CADM2: variants seen among roughly 807,000 people sequenced by gnomAD.
The protein encoded by CADM2 is immunoglobulin superfamily member 4D.
A neutral mutation model predicts 49.8 loss-of-function variants in CADM2; 12 were observed. The ratio of observed to expected loss-of-function variants is 0.24; its 90% CI spans 0.15 to 0.39. CADM2 has a LOEUF of 0.39. Ranked by LOEUF, CADM2 falls within the 10% of genes least tolerant of loss-of-function variation. The pLI, the probability that CADM2 is intolerant of heterozygous loss-of-function variation, is 1.00. For synonymous variants in CADM2, 214 were observed against 175.4 expected, an observed-to-expected ratio of 1.22 and a Z score of -1.74; for missense variants, 378 against 492.3, an observed-to-expected ratio of 0.77 and a Z score of 2.20.
chr3:85,493,779 C>A (rs1233526822), intron 1 of CADM2, among the ~76,000 whole-genome samples: 1 of 152,106 alleles, frequency 6.6e-6, no homozygotes, highest in African/African-American at 2.4e-5. Flanking sequence ...ACATTTAGGT[C>A]TCTTGTCAGC....
At position 86,014,700 on chromosome 3, in the gene CADM2, G is replaced by A. The variant is rs563453567; in HGVS notation, c.971-50905G>A. 4.5e-4 allele frequency: 689 copies of A among 1,529,192 alleles called. 2 individuals carry two copies. The African/African-American group carries it at 8.4e-3, about 19-fold the overall frequency. The allele number at this position is 1,529,192 out of a possible 1,614,324, so 94.7% of individuals were successfully genotyped here. A position where few individuals can be genotyped will look rare whatever the true frequency, so the allele number is the denominator to read the frequency against. ...ACAACTCAAATTCAATACACCGGAGGAACACCATGCTGACATGTGTAGAAG... is the reference window on the plus strand; with the variant it reads ...ACAACTCAAATTCAATACACCGGAGAAACACCATGCTGACATGTGTAGAAG... On this transcript the variant is annotated intron_variant, in intron 8 of 9. Transcript: ENST00000383699.
intron 1 of CADM2, among the ~76,000 whole-genome samples, chr3:85,368,275 A>G (rs1163214260): frequency 6.6e-6 from 1 of 152,054 alleles, no homozygotes; most frequent in East Asian, 1.9e-4. Context: ...CTGATGATCT[A>G]ATTTTATCTT....
chr3:85,760,569 A>T (rs906020364), intron 2 of CADM2, among the ~76,000 whole-genome samples: 1 of 152,192 alleles, frequency 6.6e-6, no homozygotes, highest in South Asian at 2.1e-4. Flanking sequence ...ATCATAAAAG[A>T]ACATAAGGCA....
At chr3:85,209,919 A>G (rs957202443) in intron 1 of CADM2, among the ~76,000 whole-genome samples, 1 of 152,240 alleles carries the variant, frequency 6.6e-6, no homozygotes, top group Admixed American at 6.5e-5. Context: ...AAGACAAATG[A>G]ACATGAAATA....
At position 85,148,893 on chromosome 3, in the gene CADM2, G is replaced by A. The variant is rs144860793; in HGVS notation, c.61+189225G>A. On this transcript the variant is annotated intron_variant, in intron 1 of 9. Coordinates refer to ENST00000383699, the MANE Select transcript of CADM2 (RefSeq NM_001167675.2). ...GCTGAGGAGGAGGAGAAAGAGGAGG[G>A]GTTGGTCTTGCTGTCTCAGGGGTGG... 4.8e-3 allele frequency among the ~76,000 whole-genome samples: 727 copies of A among 152,082 alleles called. 7 individuals are homozygous for A. The highest frequency in any genetic ancestry group is 0.017 in the African/African-American group (704 of 41,476).
intron 1 of CADM2, among the ~76,000 whole-genome samples, chr3:84,965,855 G>T (rs1163542664): frequency 6.6e-6 from 1 of 152,102 alleles, no homozygotes; most frequent in Admixed American, 6.6e-5. Context: ...GTGTTGTCAA[G>T]TATAATTTGT....
At chr3:85,814,901 A>G (rs1319661859) in intron 3 of CADM2, among the ~76,000 whole-genome samples, 1 of 151,958 alleles carries the variant, frequency 6.6e-6, no homozygotes, top group African/African-American at 2.4e-5. Context: ...CTACCTATGC[A>G]GGTATATAGA....
chr3:85,304,724 A>G (rs763990642), intron 1 of CADM2, among the ~76,000 whole-genome samples: 1 of 151,834 alleles, frequency 6.6e-6, no homozygotes, highest in Non-Finnish European at 1.5e-5. Flanking sequence ...GTTTAATTTC[A>G]TGGTGACCCC....
At chr3:85,395,175 G>GT (rs1327989919) in intron 1 of CADM2, among the ~76,000 whole-genome samples, 2 of 151,512 alleles carry the variant, frequency 1.3e-5, no homozygotes, top group Non-Finnish European at 2.9e-5. Context: ...GTGCATACCT[G>GT]TGGGCCCAGC....
intron 8 of CADM2, among the ~76,000 whole-genome samples, chr3:86,042,450 C>T (rs150536754): frequency 2.0e-5 from 3 of 152,266 alleles, no homozygotes; most frequent in South Asian, 2.1e-4. Context: ...ACTATAAAAG[C>T]CTCCATGCAT....
At chr3:86,013,836 T>C in intron 8 of CADM2, 1 of 1,590,978 alleles carries the variant, frequency 6.3e-7, no homozygotes, top group South Asian at 1.1e-5. Context: ...TTACATTGTG[T>C]CTAGTGGATT....
At chr3:85,724,275 G>A (rs2067609351) in intron 1 of CADM2, among the ~76,000 whole-genome samples, 1 of 151,652 alleles carries the variant, frequency 6.6e-6, no homozygotes, top group East Asian at 1.9e-4. Context: ...TTTAGAATAT[G>A]TAATATACTT....
At chr3:85,846,398 G>T (rs180717555) in intron 3 of CADM2, among the ~76,000 whole-genome samples, 88 of 152,170 alleles carry the variant, frequency 5.8e-4, no homozygotes, top group African/African-American at 2.0e-3. Context: ...GGAAGAGGTA[G>T]ATTTTTTTTG....
Position 85,610,796 on chromosome 3 carries a change from A to T in CADM2, c.62-115726A>T, listed in dbSNP as rs189271090. Among the ~76,000 whole-genome samples, 21 of 152,106 alleles carry T rather than the reference A, an allele frequency of 1.4e-4. No individual in the cohort carries two copies. The East Asian group carries it at 3.9e-3, about 28-fold the overall frequency. ...TGACATATCAAAAAATTACAATATA[A>T]TTAATGTATTAACTTTGAAAATGAT... On this transcript the variant is annotated intron_variant, in intron 1 of 9. Transcript: ENST00000383699.
At chr3:85,731,053 C>T (rs540463888) in intron 2 of CADM2, among the ~76,000 whole-genome samples, 1 of 152,090 alleles carries the variant, frequency 6.6e-6, no homozygotes, top group African/African-American at 2.4e-5. Flanking sequence ...TTTCAATTTG[C>T]TGAGTTTGTT....
chr3:86,045,405 A>G (rs1298544605), intron 8 of CADM2, among the ~76,000 whole-genome samples: 3 of 152,088 alleles, frequency 2.0e-5, no homozygotes, highest in Non-Finnish European at 2.9e-5. Flanking sequence ...TTCCTCTTTT[A>G]TAAAGGCAGG....
intron 1 of CADM2, among the ~76,000 whole-genome samples, chr3:85,191,521 A>T (rs536409994): frequency 6.6e-6 from 1 of 152,230 alleles, no homozygotes; most frequent in Non-Finnish European, 1.5e-5. Flanking sequence ...CTAATAAATT[A>T]CATAATTTAC....
chr3:85,406,820 C>T (rs570745871), intron 1 of CADM2, among the ~76,000 whole-genome samples: 1 of 152,140 alleles, frequency 6.6e-6, no homozygotes, highest in Non-Finnish European at 1.5e-5. Context: ...CTGCTGCTTA[C>T]CTGTCATACC....
chr3:85,214,789 C>A (rs1256978697), intron 1 of CADM2, among the ~76,000 whole-genome samples: 1 of 152,056 alleles, frequency 6.6e-6, no homozygotes, highest in Non-Finnish European at 1.5e-5. Flanking sequence ...TCACTCAAGG[C>A]CCAGGGGCTC....
Sources: gnomAD v4.1 joint callset for allele counts (sites outside exome capture counted in the v4.1 genomes callset) on GRCh38, gnomAD v4.1.1 for gene constraint, MANE v1.5 for transcripts, NCBI Gene and HGNC (gene_info 2026-07-23, HGNC 2026-07-21) for gene names.